The following REPS2 variants were observed in gnomAD, a reference collection of about 807,000 sequenced individuals.
The protein encoded by REPS2 is RALBP1 associated Eps domain containing 2.
Under a neutral mutation model 53.6 loss-of-function variants are expected in REPS2, and 23 were observed. The ratio of observed to expected loss-of-function variants is 0.43; its 90% confidence interval spans 0.31 to 0.61. The LOEUF (loss-of-function observed/expected upper bound fraction) is 0.61, where lower values mean the gene tolerates loss of function less well. REPS2 is among the 20% of genes least tolerant of loss of function. The pLI is 0.11. For synonymous variants in REPS2, 238 were observed against 218.6 expected (o/e 1.09, Z -0.78); for missense variants, 446 against 534.9 (o/e 0.83, Z 1.64).
intron 14 of REPS2, among the ~76,000 whole-genome samples, chrX:17,112,100 T>C (rs2062979349): frequency 9.1e-6 from 1 of 110,159 alleles, no homozygotes; most frequent in African/African-American, 3.3e-5. Flanking sequence ...GCTGGGACTA[T>C]AGGTCCTTGC....
intron 14 of REPS2, among the ~76,000 whole-genome samples, chrX:17,104,072 CCTCT>C (rs2062841763): frequency 8.9e-6 from 1 of 111,791 alleles, no homozygotes; most frequent in African/African-American, 3.3e-5. Flanking sequence ...GAAGAAGGGG[CCTCT>C]CTCTAATTGG....
At chrX:17,022,932 A>G (rs946022374) in intron 3 of REPS2, among the ~76,000 whole-genome samples, 7 of 112,273 alleles carry the variant, frequency 6.2e-5, no homozygotes, top group African/African-American at 1.9e-4. Context: ...ACTAATTGCA[A>G]TGGTCAGATG....
At chrX:17,162,936 CA>C in the REPS2 span, among the ~76,000 whole-genome samples, 2 of 111,945 alleles carry the variant, frequency 1.8e-5, no homozygotes, top group South Asian at 7.5e-4. Flanking sequence ...ACAAAATGTC[CA>C]GTTTGTAATG....
At chrX:17,139,179 T>G (rs1213367245) in intron 17 of REPS2, among the ~76,000 whole-genome samples, 1 of 111,969 alleles carries the variant, frequency 8.9e-6, no homozygotes, top group East Asian at 2.8e-4. Context: ...TCTCAAACCC[T>G]TTTTGGAAGG....
At chrX:17,194,162 G>A in the REPS2 span, among the ~76,000 whole-genome samples, 1 of 111,699 alleles carries the variant, frequency 9.0e-6, no homozygotes, top group Non-Finnish European at 1.9e-5. Context: ...GTTAATTGGT[G>A]TTATGGAGCC....
intron 14 of REPS2, among the ~76,000 whole-genome samples, chrX:17,129,289 A>C (rs1248346864): frequency 1.8e-5 from 2 of 112,491 alleles, no homozygotes; most frequent in African/African-American, 6.5e-5. Flanking sequence ...ATAAGCCTCA[A>C]ACTATTTTTA....
intron 5 of REPS2, among the ~76,000 whole-genome samples, chrX:17,042,369 G>C (rs1299189200): frequency 9.0e-6 from 1 of 111,534 alleles, no homozygotes; most frequent in Non-Finnish European, 1.9e-5. Context: ...AGTGCCTTCA[G>C]GCTTCAAAAT....
rs1416448817 is a variant in REPS2, at chrX:17,027,218, C to T, written c.673+2033C>T. The stretch of plus-strand genomic sequence containing the variant: ...ATGACCCTCTCCGGTCACTCCCTGC[C>T]CCCTAACGCAATCACTGTTCTGATT... On this transcript the variant is annotated intron_variant, in intron 4 of 17. Coordinates refer to ENST00000357277, the MANE Select transcript of REPS2 (RefSeq NM_004726.3). Among the ~76,000 whole-genome samples, 3 of 111,631 alleles carry T rather than the reference C, an allele frequency of 2.7e-5. No homozygotes were observed. In the East Asian group the frequency reaches 8.4e-4, roughly 31 times the overall value.
chrX:17,114,263 A>G (rs1293668868), intron 14 of REPS2, among the ~76,000 whole-genome samples: 1 of 112,240 alleles, frequency 8.9e-6, no homozygotes, highest in Non-Finnish European at 1.9e-5. Flanking sequence ...AATTTCTACT[A>G]ACTCTTTTTA....
At position 17,115,043 on chromosome X, in the gene REPS2, G is replaced by A. The variant is rs2063028520; in HGVS notation, c.1578+11264G>A. Among the ~76,000 whole-genome samples, 2 of 111,977 alleles carry A rather than the reference G, an allele frequency of 1.8e-5. 1 individual carries two copies. Among genetic ancestry groups the A allele is most frequent in the African/African-American group, 6.5e-5 (2 of 30,781 alleles). On this transcript the variant is annotated intron_variant, in intron 14 of 17. Transcript: ENST00000357277. ...GTGGGTTGCCCCTCCACACCTGTGG[G>A]TGTTTCTCGTTAGGTGGAACGTGAG...
chrX:17,016,768 T>C (rs929188776), intron 2 of REPS2, among the ~76,000 whole-genome samples: 3 of 102,249 alleles, frequency 2.9e-5, no homozygotes, highest in Admixed American at 2.2e-4. Flanking sequence ...TTCTTTTTTT[T>C]TTTTTTTTTT....
rs998784800 is a variant in REPS2, at chrX:17,071,602, G to T, written c.1333+1609G>T. ...ACTGCCCCTCTCTGGGTATGAGGGAGTTCCTCATCTTAAACATAGTTAATC... is the reference window on the plus strand; with the variant it reads ...ACTGCCCCTCTCTGGGTATGAGGGATTTCCTCATCTTAAACATAGTTAATC... On this transcript the variant is annotated intron_variant, in intron 11 of 17. Coordinates refer to ENST00000357277, the MANE Select transcript of REPS2 (RefSeq NM_004726.3). 2.7e-5 allele frequency among the ~76,000 whole-genome samples: 3 copies of T among 111,680 alleles called. No individual in the cohort carries two copies. In the Admixed American group the frequency reaches 2.8e-4, roughly 11 times the overall value.
intron 17 of REPS2, among the ~76,000 whole-genome samples, chrX:17,147,022 A>C (rs1398845804): frequency 8.9e-6 from 1 of 111,947 alleles, no homozygotes; most frequent in East Asian, 2.8e-4. Flanking sequence ...GATTGCAACT[A>C]GAAATTTAAG....
chrX:17,021,007 G>T (rs2061569314), intron 2 of REPS2, among the ~76,000 whole-genome samples: 1 of 111,997 alleles, frequency 8.9e-6, no homozygotes, highest in Non-Finnish European at 1.9e-5. Flanking sequence ...AGAACCAGGG[G>T]CCTTCTTTGC....
At chrX:16,969,248 A>G (rs1308896509) in intron 1 of REPS2, among the ~76,000 whole-genome samples, 1 of 103,528 alleles carries the variant, frequency 9.7e-6, no homozygotes, top group African/African-American at 3.6e-5. Flanking sequence ...CAGACTGGGC[A>G]GCCAGGCAGA....
At chrX:17,071,631 C>T (rs969413642) in intron 11 of REPS2, among the ~76,000 whole-genome samples, 1 of 111,698 alleles carries the variant, frequency 9.0e-6, no homozygotes, top group African/African-American at 3.3e-5. Flanking sequence ...GTTAATCCCT[C>T]CTTTTCTGGG....
chrX:17,118,801 A>G (rs1336340219), intron 14 of REPS2, among the ~76,000 whole-genome samples: 27 of 112,297 alleles, frequency 2.4e-4, no homozygotes, highest in Non-Finnish European at 7.5e-5. Context: ...GCAGACTTAC[A>G]TTCATCTTAG....
chrX:16,979,306 A>C (rs186639456), intron 1 of REPS2, among the ~76,000 whole-genome samples: 12 of 112,151 alleles, frequency 1.1e-4, no homozygotes, highest in African/African-American at 3.2e-4. Flanking sequence ...TCCAATGGGA[A>C]CTGAATGTTT....
intron 14 of REPS2, 54 bp downstream of exon 14, chrX:17,103,833 A>G: frequency 9.3e-7 from 1 of 1,080,583 alleles, no homozygotes; most frequent in Non-Finnish European, 1.3e-6. Flanking sequence ...AAGTTGTCCT[A>G]TCGCTGTGCT....
Sources: gnomAD v4.1 joint callset for allele counts (sites outside exome capture counted in the v4.1 genomes callset) on GRCh38, gnomAD v4.1.1 for gene constraint, MANE v1.5 for transcripts, NCBI Gene and HGNC (gene_info 2026-07-23, HGNC 2026-07-21) for gene names.